KIF26B: variants seen among roughly 807,000 people sequenced by gnomAD.
The protein encoded by KIF26B is kinesin family member 26B, also known as kinesin-like protein KIF26B.
A neutral mutation model predicts 151.2 loss-of-function variants in KIF26B; 63 were observed. That is an observed-to-expected ratio of 0.42 (90% CI 0.34 to 0.51). The LOEUF (loss-of-function observed/expected upper bound fraction) is 0.51, where lower values mean the gene tolerates loss of function less well. Ranked by LOEUF, KIF26B falls within the 20% of genes least tolerant of loss-of-function variation. The probability of loss-of-function intolerance (pLI) is 0.07; values close to 1 mark genes in which losing one functional copy is unlikely to be tolerated. For synonymous variants in KIF26B, 1,357 were observed against 1,262.1 expected (o/e 1.08, Z -1.59); for missense variants, 2,813 against 2,913.6 (o/e 0.97, Z 0.79).
intron 2 of KIF26B, among the ~76,000 whole-genome samples, chr1:245,225,496 C>T (rs916481104): frequency 1.3e-5 from 2 of 152,202 alleles, no homozygotes; most frequent in South Asian, 2.1e-4. Context: ...TTACACCGGC[C>T]GTGTCAGAGA....
chr1:245,291,443 G>A (rs1040539217), intron 2 of KIF26B, among the ~76,000 whole-genome samples: 1 of 152,128 alleles, frequency 6.6e-6, no homozygotes, highest in Non-Finnish European at 1.5e-5. Flanking sequence ...CTGAATCCCT[G>A]CCCTTCCCCA....
At chr1:245,658,301 T>C (rs2044096468) in intron 10 of KIF26B, among the ~76,000 whole-genome samples, 1 of 151,170 alleles carries the variant, frequency 6.6e-6, no homozygotes, top group African/African-American at 2.4e-5. Flanking sequence ...AACAAGTTTT[T>C]AAAAACTGAT....
intron 1 of KIF26B, 124 bp downstream of exon 1, chr1:245,155,611 C>A (rs1292622805): frequency 3.6e-6 from 3 of 825,628 alleles, no homozygotes; most frequent in Non-Finnish European, 5.5e-6. Context: ...GCCCCCGGGG[C>A]TGGCGGGGTT....
At chr1:245,156,166 C>T in intron 1 of KIF26B, 116 bp from the exon 2 acceptor site, 1 of 1,434,668 alleles carries the variant, frequency 7.0e-7, no homozygotes, top group South Asian at 1.4e-5. Flanking sequence ...GAGAGGTCCC[C>T]AACCGACTCC....
rs1474334691 is a variant in KIF26B, at chr1:245,541,058, G to A, written c.1350+108G>A. The A allele has an allele frequency of 3.3e-6, 3 of 905,546 alleles. No homozygotes were observed. The African/African-American group carries it at 5.0e-5, about 15-fold the overall frequency. The allele number at this position is 905,546 out of a possible 1,614,324, so 56.1% of individuals were successfully genotyped here. On this transcript the variant is annotated intron_variant, in intron 5 of 14. Coordinates refer to ENST00000407071, the MANE Select transcript of KIF26B (RefSeq NM_018012.4). Reference sequence around the variant, plus strand: ...AATGTATTAAAATAAGACGTTGCCAGGGAGAAAAGGAGGCAAGATGAAATT... The same window carrying A: ...AATGTATTAAAATAAGACGTTGCCAAGGAGAAAAGGAGGCAAGATGAAATT...
intron 4 of KIF26B, among the ~76,000 whole-genome samples, chr1:245,468,675 TAGAGAG>T (rs112739819): frequency 2.0e-5 from 3 of 148,208 alleles, no homozygotes; most frequent in Non-Finnish European, 4.5e-5. Flanking sequence ...ACTTACATCT[TAGAGAG>T]AGAGAGAGAG....
intron 9 of KIF26B, among the ~76,000 whole-genome samples, chr1:245,632,241 ATTTGT>A (rs2043788659): frequency 6.6e-6 from 1 of 151,952 alleles, no homozygotes; most frequent in African/African-American, 2.4e-5. Flanking sequence ...TTCCATTTTC[ATTTGT>A]TTTAAGAAAA....
intron 2 of KIF26B, among the ~76,000 whole-genome samples, chr1:245,212,230 G>A (rs1054990086): frequency 3.9e-4 from 60 of 152,288 alleles, no homozygotes; most frequent in African/African-American, 1.2e-3. Context: ...GGAGAGAAGT[G>A]TCTTTATTGC....
At chr1:245,587,174 G>A (rs1284022657) in intron 5 of KIF26B, among the ~76,000 whole-genome samples, 4 of 152,154 alleles carry the variant, frequency 2.6e-5, no homozygotes, top group Non-Finnish European at 4.4e-5. Context: ...AGCTGACACT[G>A]AGTCCTCTTC....
intron 2 of KIF26B, among the ~76,000 whole-genome samples, chr1:245,159,699 T>C (rs1668503223): frequency 6.6e-6 from 1 of 152,188 alleles, no homozygotes; most frequent in East Asian, 1.9e-4. Flanking sequence ...TGTTGGTAGG[T>C]AGCAAGCCCT....
At chr1:245,181,938 T>G (rs531705833) in intron 2 of KIF26B, among the ~76,000 whole-genome samples, 2 of 152,356 alleles carry the variant, frequency 1.3e-5, no homozygotes, top group South Asian at 4.1e-4. Context: ...GTTAGGAATC[T>G]GAGATCATTC....
intron 2 of KIF26B, among the ~76,000 whole-genome samples, chr1:245,295,976 T>C (rs1448028003): frequency 1.3e-5 from 2 of 152,178 alleles, no homozygotes; most frequent in African/African-American, 4.8e-5. Flanking sequence ...GACACTTCTC[T>C]GCCTCTCCAT....
intron 3 of KIF26B, among the ~76,000 whole-genome samples, chr1:245,394,684 C>CTTTTTTTTTTTTT (rs1444711983): frequency 1.2e-4 from 15 of 124,416 alleles, no homozygotes; most frequent in African/African-American, 2.4e-4. Context: ...AAGTTTTTTT[C>CTTTTTTTTTTTTT]TTTCTTTTTT....
chr1:245,311,459 C>T (rs762380780), intron 2 of KIF26B, among the ~76,000 whole-genome samples: 19 of 151,988 alleles, frequency 1.3e-4, no homozygotes, highest in Non-Finnish European at 2.2e-4. Flanking sequence ...TCACTGCAGC[C>T]GGGTATGGTG....
chr1:245,477,285 G>T (rs1268094148), intron 4 of KIF26B, among the ~76,000 whole-genome samples: 2 of 151,584 alleles, frequency 1.3e-5, no homozygotes, highest in African/African-American at 2.4e-5. Context: ...AAATTCATTT[G>T]TTTGTGCATT....
intron 2 of KIF26B, among the ~76,000 whole-genome samples, chr1:245,193,480 T>G (rs1221231289): frequency 6.7e-6 from 1 of 150,312 alleles, no homozygotes; most frequent in Non-Finnish European, 1.5e-5. Context: ...CCTTTTTAAA[T>G]AAACCGGAAA....
chr1:245,344,372 G>A (rs1672398902), intron 2 of KIF26B, among the ~76,000 whole-genome samples: 1 of 151,734 alleles, frequency 6.6e-6, no homozygotes, highest in Non-Finnish European at 1.5e-5. Flanking sequence ...GTATCCTCTA[G>A]TAGTCCCAGC....
At chr1:245,578,580 G>A (rs943925823) in intron 5 of KIF26B, among the ~76,000 whole-genome samples, 1 of 152,208 alleles carries the variant, frequency 6.6e-6, no homozygotes, top group Non-Finnish European at 1.5e-5. Context: ...GACAGATGAG[G>A]ACAAATGTAA....
Position 245,687,441 on chromosome 1 carries a change from G to A in KIF26B, c.4458G>A (p.Pro1486=), listed in dbSNP as rs756773647. The change falls in exon 12 of 15, where the codon CCG becomes CCA. Residue 1486 remains proline, a synonymous_variant. Coordinates refer to ENST00000407071, the MANE Select transcript of KIF26B (RefSeq NM_018012.4). The surrounding 1 kb of genome is among the most constrained non-coding windows in gnomAD (Gnocchi z 4.9). ...AGGAGCAGGACGGAAAGCCCAGTCC[G>A]GGAGACAGGCTCAGCAGCAGCAGCG... is the stretch of plus-strand genomic sequence containing the variant. ...AEQEQDGKPS[P]GDRLSSSSGE... is the part of the protein sequence containing the mutation. 3 of 1,588,624 alleles carry A rather than the reference G, an allele frequency of 1.9e-6. No homozygotes were observed. The highest frequency in any genetic ancestry group is 3.6e-5 in the Admixed American group (2 of 55,926).
Sources: gnomAD v4.1 joint callset for allele counts (sites outside exome capture counted in the v4.1 genomes callset) on GRCh38, gnomAD v4.1.1 for gene constraint, Gnocchi (gnomAD v3.1) non-coding constraint, MANE v1.5 for transcripts, NCBI Gene and HGNC (gene_info 2026-07-23, HGNC 2026-07-21) for gene names.